PTPRJ: variants seen among roughly 807,000 people sequenced by gnomAD.
PTPRJ encodes the protein protein tyrosine phosphatase receptor type J.
In PTPRJ, 129 loss-of-function variants were observed where a neutral mutation model predicts 141.3. That is an observed-to-expected ratio of 0.91 (90% CI 0.79 to 1.06). The LOEUF is 1.06. PTPRJ is among the 50% of genes least tolerant of loss of function. PTPRJ has a pLI of 0.00. For synonymous variants in PTPRJ, 610 were observed against 640.5 expected, an observed-to-expected ratio of 0.95 and a Z score of 0.72; for missense variants, 1,601 against 1,679.7, an observed-to-expected ratio of 0.95 and a Z score of 0.82.
chr11:48,007,131 C>T (rs1590398688), intron 1 of PTPRJ, among the ~76,000 whole-genome samples: 1 of 151,756 alleles, frequency 6.6e-6, no homozygotes, highest in African/African-American at 2.4e-5. Flanking sequence ...GACTGAGTCT[C>T]GCTTTGTCTC....
chr11:48,066,161 C>CA (rs768744415), intron 1 of PTPRJ, among the ~76,000 whole-genome samples: 32 of 151,550 alleles, frequency 2.1e-4, no homozygotes, highest in Middle Eastern at 3.4e-3. Flanking sequence ...AAAGCAATAA[C>CA]AAAAAAAACC....
At chr11:48,119,435 G>A (rs1412606207) in intron 3 of PTPRJ, among the ~76,000 whole-genome samples, 1 of 152,160 alleles carries the variant, frequency 6.6e-6, no homozygotes, top group African/African-American at 2.4e-5. Flanking sequence ...GTCTTGCTCT[G>A]TTGCCCAGGC....
rs943395729 is a variant in PTPRJ at position 47,992,397 on chromosome 11, A to G, written c.96+11389A>G. 2.0e-5 allele frequency among the ~76,000 whole-genome samples: 3 copies of G among 152,024 alleles called. No homozygotes were observed. In the East Asian group the frequency reaches 5.8e-4, roughly 29 times the overall value. On this transcript the variant is annotated intron_variant, in intron 1 of 24. Coordinates refer to ENST00000418331, the MANE Select transcript of PTPRJ (RefSeq NM_002843.4). Reference sequence around the variant, plus strand: ...ACCATGTTGGCCAGGCTGGTCTGGAACTCCTGACCTTGTGATCTGCCTGCC... The same window carrying G: ...ACCATGTTGGCCAGGCTGGTCTGGAGCTCCTGACCTTGTGATCTGCCTGCC...
At chr11:48,021,414 A>C (rs992061725) in intron 1 of PTPRJ, among the ~76,000 whole-genome samples, 5 of 105,768 alleles carry the variant, frequency 4.7e-5, no homozygotes, top group Non-Finnish European at 8.4e-5. Context: ...TAAATAAATA[A>C]ATAAATAAAA....
chr11:48,146,774 A>G (rs1857360541), intron 14 of PTPRJ, 102 bp from the exon 15 acceptor site: 1 of 832,830 alleles, frequency 1.2e-6, no homozygotes, highest in Non-Finnish European at 2.1e-6. Context: ...TATGGTATAC[A>G]CACTTTAACT....
chr11:48,138,075 T>C (rs1033534437), intron 10 of PTPRJ, among the ~76,000 whole-genome samples: 2 of 152,214 alleles, frequency 1.3e-5, no homozygotes, highest in South Asian at 4.1e-4. Flanking sequence ...CCCTTCTCGC[T>C]CCTACCTCTT....
rs563074053 is a variant in PTPRJ, at chr11:48,078,116, T to C, written c.97-31942T>C. 4.6e-5 allele frequency among the ~76,000 whole-genome samples: 7 copies of C among 151,350 alleles called. No homozygotes were observed. In the South Asian group the frequency reaches 1.5e-3, roughly 32 times the overall value. ...CTCTGTTTCCCAGGCTGGAGTGCAA[T>C]GGTGCGATCTTGGCTCACTGCAACC... On this transcript the variant is annotated intron_variant, in intron 1 of 24. Coordinates refer to ENST00000418331, the MANE Select transcript of PTPRJ (RefSeq NM_002843.4).
In PTPRJ at chr11:48,168,579, T is replaced by TACATAC. The variant is rs1217371514; in HGVS notation, c.*1218_*1219insCATACA. On this transcript the variant is annotated 3_prime_UTR_variant, in exon 25 of 25. Transcript: ENST00000418331. Reference sequence around the variant, plus strand: ...ATATATATATATATATATATATATATATACACTAAGCTCTCAAAAACAGTC... The same window carrying TACATAC: ...ATATATATATATATATATATATATATACATACATACACTAAGCTCTCAAAAACAGTC... 1 of 119,918 alleles carries TACATAC rather than the reference T, an allele frequency of 8.3e-6. No homozygotes were observed. Among genetic ancestry groups the TACATAC allele is most frequent in the African/African-American group, 3.1e-5 (1 of 32,328 alleles). 7.4% of individuals were successfully genotyped at this position (119,918 alleles called of 1,614,324 possible).
intron 1 of PTPRJ, among the ~76,000 whole-genome samples, chr11:48,074,732 A>G (rs1855354622): frequency 6.6e-6 from 1 of 152,166 alleles, no homozygotes; most frequent in African/African-American, 2.4e-5. Context: ...AGGGATTCAA[A>G]GTTTTTTTTG....
At position 48,137,111 on chromosome 11, in the gene PTPRJ, T is replaced by C. The variant is rs753357984; in HGVS notation, c.1982T>C (p.Ile661Thr). The change falls in exon 10 of 25, where the codon ATT (isoleucine) becomes ACT (threonine). Residue 661 changes from isoleucine (I) to threonine (T), a missense_variant. Transcript: ENST00000418331. ...CCCACGTACTCCTACTGCCTTCTTA[T>C]TGAGAAGGCTGGAAATTCCAGCAAC... ...ASPTYSYCLL[I>T]EKAGNSSNAT... 1.9e-6 allele frequency: 3 copies of C among 1,609,064 alleles called. No homozygotes were observed. The highest frequency in any genetic ancestry group is 1.3e-5 in the African/African-American group (1 of 74,930).
intron 12 of PTPRJ, 33 bp from the exon 13 acceptor site, chr11:48,144,642 T>C: frequency 6.4e-7 from 1 of 1,554,144 alleles, no homozygotes; most frequent in Non-Finnish European, 8.9e-7. Flanking sequence ...GCCATCACTT[T>C]CTTATGATTC....
At position 48,136,308 on chromosome 11, in the gene PTPRJ, A is replaced by C. The variant is rs1857101979; in HGVS notation, c.1873+12A>C. On this transcript the variant is annotated intron_variant, in intron 9 of 24. Transcript: ENST00000418331. ...TGCACAGTACACACGTAAGTCTCTT[A>C]GGATGCCCTTCTAAGGAACAGCCTC... is the stretch of plus-strand genomic sequence containing the variant. 1 of 1,611,932 alleles carries C rather than the reference A, an allele frequency of 6.2e-7. No homozygotes were observed. Among genetic ancestry groups the C allele is most frequent in the Admixed American group, 1.7e-5 (1 of 59,964 alleles).
chr11:48,142,895 A>ATGTTT (rs759176383), intron 11 of PTPRJ, 24 bp from the exon 12 acceptor site: 53 of 1,602,812 alleles, frequency 3.3e-5, no homozygotes, highest in African/African-American at 2.0e-4. Flanking sequence ...TTGGGTGATC[A>ATGTTT]TGTTTTGTTT....
chr11:48,012,352 T>C (rs915224971), intron 1 of PTPRJ, among the ~76,000 whole-genome samples: 1 of 152,140 alleles, frequency 6.6e-6, no homozygotes, highest in Non-Finnish European at 1.5e-5. Context: ...TCTTATACCA[T>C]ATTCCAGTCA....
intron 1 of PTPRJ, among the ~76,000 whole-genome samples, chr11:48,086,418 C>T (rs1168471960): frequency 1.3e-5 from 2 of 152,350 alleles, no homozygotes; most frequent in South Asian, 2.1e-4. Context: ...GTGATCCACT[C>T]GCTTCGGCCT....
intron 14 of PTPRJ, among the ~76,000 whole-genome samples, chr11:48,145,558 GTT>G (rs574426609): frequency 4.0e-4 from 47 of 117,466 alleles, no homozygotes; most frequent in African/African-American, 1.2e-3. Context: ...TTTATTTTAT[GTT>G]TTTTTTTTTT....
intron 4 of PTPRJ, 105 bp downstream of exon 4, chr11:48,121,371 T>A: frequency 7.8e-7 from 1 of 1,281,740 alleles, no homozygotes; most frequent in Non-Finnish European, 1.1e-6. Context: ...ATGGTTTTCA[T>A]AAACTAGAAG....
At chr11:48,156,195 A>G (rs1236661199) in intron 21 of PTPRJ, 76 bp downstream of exon 21, 14 of 1,307,870 alleles carry the variant, frequency 1.1e-5, no homozygotes, top group Non-Finnish European at 1.5e-5. Flanking sequence ...GTATCTTAAA[A>G]ACCATTTGTT....
At chr11:48,046,904 ATATATATATTTTTTT>A (rs199979181) in intron 1 of PTPRJ, among the ~76,000 whole-genome samples, 5,408 of 92,948 alleles carry the variant, frequency 0.058, 345 homozygotes, top group African/African-American at 0.25. Context: ...ATATATATAT[ATATATATATTTTTTT>A]TTTTTTTTTT....
Sources: allele counts gnomAD v4.1 joint callset (sites outside exome capture counted in the v4.1 genomes callset), GRCh38; gene constraint gnomAD v4.1.1; transcripts MANE v1.5; gene names NCBI Gene and HGNC (gene_info 2026-07-23, HGNC 2026-07-21).